DGKB: variants seen among roughly 807,000 people sequenced by gnomAD.
DGKB encodes the protein 90 kDa diacylglycerol kinase.
In DGKB, 67 loss-of-function variants were observed where a neutral mutation model predicts 114.3. The observed-to-expected ratio is 0.59, with a 90% CI of 0.48 to 0.72. The LOEUF (loss-of-function observed/expected upper bound fraction) is 0.72, where lower values mean the gene tolerates loss of function less well. Among genes scored for constraint, DGKB ranks in the 30% least tolerant of loss-of-function variants. The pLI is 0.00. For synonymous variants in DGKB, 398 were observed against 323.1 expected (o/e 1.23, Z -2.49); for missense variants, 907 against 975.2 (o/e 0.93, Z 0.93).
intron 24 of DGKB, among the ~76,000 whole-genome samples, 164 bp from the exon 25 acceptor site, chr7:14,177,063 C>T (rs1417654668): frequency 6.6e-6 from 1 of 151,958 alleles, no homozygotes; most frequent in Non-Finnish European, 1.5e-5. Context: ...TTAATAAATA[C>T]CCTGAAAAGT....
intron 25 of DGKB, among the ~76,000 whole-genome samples, chr7:14,171,111 A>G (rs751540111): frequency 2.1e-4 from 32 of 152,180 alleles, no homozygotes; most frequent in South Asian, 4.1e-4. Context: ...TCAATTGCAC[A>G]ATGAAGGTAG....
At chr7:14,460,588 G>C (rs6948483) in intron 21 of DGKB, among the ~76,000 whole-genome samples, 81,468 of 151,604 alleles carry the variant, frequency 0.54, 22,561 homozygotes, top group African/African-American at 0.66. Context: ...AATACAGGGG[G>C]ACGCAGATTC....
intron 25 of DGKB, among the ~76,000 whole-genome samples, chr7:14,158,879 C>A (rs565586700): frequency 6.6e-6 from 1 of 152,210 alleles, no homozygotes; most frequent in African/African-American, 2.4e-5. Flanking sequence ...CTCTTATAAC[C>A]AATAATCTAT....
intron 20 of DGKB, among the ~76,000 whole-genome samples, chr7:14,553,215 C>T (rs1212928400): frequency 1.3e-5 from 2 of 152,230 alleles, no homozygotes; most frequent in African/African-American, 4.8e-5. Flanking sequence ...ATAACATATG[C>T]ACATGCTTTG....
chr7:14,309,267 G>A (rs1411823249), intron 23 of DGKB, among the ~76,000 whole-genome samples: 2 of 152,162 alleles, frequency 1.3e-5, no homozygotes, highest in Admixed American at 6.5e-5. Flanking sequence ...AGCCCTGTCT[G>A]TCTTTGTCAC....
intron 20 of DGKB, among the ~76,000 whole-genome samples, chr7:14,482,109 T>C (rs1218659607): frequency 6.6e-6 from 1 of 152,034 alleles, no homozygotes; most frequent in Admixed American, 6.6e-5. Context: ...GCTTAGATTT[T>C]CATTATTGTC....
chr7:14,508,097 ATTTCTACC>A (rs1787384496), intron 20 of DGKB, among the ~76,000 whole-genome samples: 2 of 152,168 alleles, frequency 1.3e-5, no homozygotes. Flanking sequence ...TTAAACAATT[ATTTCTACC>A]TATATTAGTT....
chr7:14,890,903 C>A (rs922118723), intron 1 of DGKB, among the ~76,000 whole-genome samples: 1 of 150,546 alleles, frequency 6.6e-6, no homozygotes, highest in Non-Finnish European at 1.5e-5. Flanking sequence ...ATCTAACTTA[C>A]GCTTCTGAAA....
chr7:14,423,268 T>G (rs1272600018), intron 21 of DGKB, among the ~76,000 whole-genome samples: 1 of 152,042 alleles, frequency 6.6e-6, no homozygotes, highest in Non-Finnish European at 1.5e-5. Flanking sequence ...GTCTTTAAAC[T>G]TACTACATAC....
At chr7:14,576,641 T>G (rs1799163430) in intron 19 of DGKB, among the ~76,000 whole-genome samples, 1 of 152,114 alleles carries the variant, frequency 6.6e-6, no homozygotes, top group African/African-American at 2.4e-5. Flanking sequence ...GAATTTTTTC[T>G]CAGTCATGTC....
chr7:14,244,659 G>C (rs1794189154), intron 23 of DGKB, among the ~76,000 whole-genome samples: 1 of 117,804 alleles, frequency 8.5e-6, no homozygotes, highest in Non-Finnish European at 1.7e-5. Flanking sequence ...GACAGAGTGA[G>C]ACTCTGTCTC....
At chr7:14,809,228 T>G (rs540587200) in intron 2 of DGKB, among the ~76,000 whole-genome samples, 1 of 152,132 alleles carries the variant, frequency 6.6e-6, no homozygotes, top group Admixed American at 6.6e-5. Context: ...TAATAGTATT[T>G]TATATGTACA....
chr7:14,318,241 C>G (rs1404471199), intron 23 of DGKB, among the ~76,000 whole-genome samples: 1 of 136,606 alleles, frequency 7.3e-6, no homozygotes, highest in African/African-American at 2.7e-5. Flanking sequence ...GACTTCATGT[C>G]TAAAACACCA....
intron 1 of DGKB, among the ~76,000 whole-genome samples, chr7:14,867,746 C>A (rs575768195): frequency 6.6e-6 from 1 of 152,022 alleles, no homozygotes; most frequent in Non-Finnish European, 1.5e-5. Context: ...CCTTTGAGAG[C>A]GCTCTTTATA....
At chr7:14,348,869 G>A (rs188772877) in intron 21 of DGKB, among the ~76,000 whole-genome samples, 23 of 151,822 alleles carry the variant, frequency 1.5e-4, no homozygotes, top group Admixed American at 1.2e-3. Context: ...TGCACCTTTG[G>A]GAGTGCTGTA....
intron 13 of DGKB, among the ~76,000 whole-genome samples, chr7:14,647,798 G>A (rs900212482): frequency 1.3e-5 from 2 of 152,212 alleles, no homozygotes; most frequent in African/African-American, 2.4e-5. Flanking sequence ...CACCATGCGC[G>A]AGCCGAAGCA....
At chr7:14,397,078 A>C (rs1360932269) in intron 21 of DGKB, among the ~76,000 whole-genome samples, 1 of 152,068 alleles carries the variant, frequency 6.6e-6, no homozygotes, top group Non-Finnish European at 1.5e-5. Context: ...ATACAGAAGA[A>C]ATTGCGGGGC....
At chr7:14,541,583 T>C (rs928225793) in intron 20 of DGKB, among the ~76,000 whole-genome samples, 5 of 152,212 alleles carry the variant, frequency 3.3e-5, no homozygotes, top group South Asian at 2.1e-4. Flanking sequence ...TTAGAAACAA[T>C]AGATTGATAG....
At chr7:14,665,329 A>T (rs1270393039) in intron 13 of DGKB, among the ~76,000 whole-genome samples, 1 of 151,934 alleles carries the variant, frequency 6.6e-6, no homozygotes, top group African/African-American at 2.4e-5. Context: ...GAGCTCGATG[A>T]TGAGAACACA....
Sources: allele counts gnomAD v4.1 joint callset (sites outside exome capture counted in the v4.1 genomes callset), GRCh38; gene constraint gnomAD v4.1.1; transcripts MANE v1.5; gene names NCBI Gene and HGNC (gene_info 2026-07-23, HGNC 2026-07-21).